ANTXR2: variants seen among roughly 807,000 people sequenced by gnomAD.
The protein encoded by ANTXR2 is ANTXR cell adhesion molecule 2, also known as anthrax toxin receptor 2.
In ANTXR2, 44 loss-of-function variants were observed where a neutral mutation model predicts 73.7. The observed-to-expected ratio is 0.60, with a 90% confidence interval of 0.47 to 0.77. The LOEUF is 0.77. Ranked by LOEUF, ANTXR2 falls within the 30% of genes least tolerant of loss-of-function variation. ANTXR2 has a pLI of 0.00. For missense variants in ANTXR2, 604 were observed against 592.5 expected, an observed-to-expected ratio of 1.02 and a Z score of -0.20; for synonymous variants, 217 against 205.9, an observed-to-expected ratio of 1.05 and a Z score of -0.46.
At chr4:80,068,170 C>A (rs1228596317) in intron 3 of ANTXR2, among the ~76,000 whole-genome samples, 1 of 152,112 alleles carries the variant, frequency 6.6e-6, no homozygotes, top group East Asian at 1.9e-4. Context: ...TAAATAAGTT[C>A]TCTCCCCCAG....
intron 16 of ANTXR2, among the ~76,000 whole-genome samples, chr4:79,943,618 G>T (rs1422577749): frequency 3.7e-5 from 4 of 108,586 alleles, no homozygotes; most frequent in African/African-American, 1.5e-4. Context: ...ATAGCATTGG[G>T]AGATATACCT....
chr4:79,997,956 G>A (rs1730810046), intron 12 of ANTXR2, among the ~76,000 whole-genome samples: 1 of 151,926 alleles, frequency 6.6e-6, no homozygotes, highest in South Asian at 2.1e-4. Context: ...AATTAATGGT[G>A]TAAGGAAGGT....
chr4:79,964,730 C>G (rs2109999333), intron 16 of ANTXR2: 1 of 152,410 alleles, frequency 6.6e-6, no homozygotes, highest in Admixed American at 6.5e-5. Context: ...TCTCAACTAC[C>G]TCCGCTGACA....
chr4:80,023,568 G>A (rs1732277957), intron 10 of ANTXR2, among the ~76,000 whole-genome samples: 2 of 152,204 alleles, frequency 1.3e-5, no homozygotes, highest in Admixed American at 1.3e-4. Context: ...TAGGCACAGG[G>A]GTTCTAGAGG....
chr4:80,010,540 G>C (rs1195706619), intron 11 of ANTXR2, among the ~76,000 whole-genome samples: 1 of 152,044 alleles, frequency 6.6e-6, no homozygotes, highest in Non-Finnish European at 1.5e-5. Context: ...ATGAACATTT[G>C]GTTTCCCCTT....
At chr4:79,938,019 G>A (rs113177138) in intron 16 of ANTXR2, among the ~76,000 whole-genome samples, 1 of 70,008 alleles carries the variant, frequency 1.4e-5, no homozygotes, top group African/African-American at 6.5e-5. Flanking sequence ...TTTTCAGACC[G>A]GCTTAAGAAA....
At chr4:79,994,098 A>C (rs1730612280) in intron 12 of ANTXR2, among the ~76,000 whole-genome samples, 1 of 152,016 alleles carries the variant, frequency 6.6e-6, no homozygotes, top group Admixed American at 6.6e-5. Context: ...TTAATTAATA[A>C]TACATTCACA....
At chr4:79,956,086 A>C (rs1398841643) in intron 16 of ANTXR2, among the ~76,000 whole-genome samples, 1 of 152,150 alleles carries the variant, frequency 6.6e-6, no homozygotes, top group Non-Finnish European at 1.5e-5. Flanking sequence ...ACAACTTCTA[A>C]GGTTTCTTGT....
intron 11 of ANTXR2, among the ~76,000 whole-genome samples, chr4:80,009,359 T>C (rs1031089975): frequency 1.3e-5 from 2 of 152,210 alleles, no homozygotes; most frequent in Non-Finnish European, 2.9e-5. Context: ...CCTTTGACTA[T>C]AAAATGCCCC....
intron 7 of ANTXR2, among the ~76,000 whole-genome samples, chr4:80,037,509 A>C (rs1435596007): frequency 6.6e-6 from 1 of 152,178 alleles, no homozygotes; most frequent in African/African-American, 2.4e-5. Flanking sequence ...TTTATATCTG[A>C]GAAACTGCAG....
intron 10 of ANTXR2, among the ~76,000 whole-genome samples, chr4:80,020,939 G>A (rs1477272741): frequency 1.3e-5 from 2 of 151,958 alleles, no homozygotes; most frequent in African/African-American, 4.8e-5. Flanking sequence ...ACGAGGTCAG[G>A]AGATTGAGAC....
chr4:80,071,638 T>G lies in ANTXR2; in HGVS notation c.169A>C (p.Asn57His), dbSNP rs754092088. 1 of 1,612,866 alleles carries G rather than the reference T, an allele frequency of 6.2e-7. No individual in the cohort carries two copies. Among genetic ancestry groups the G allele is most frequent in the East Asian group, 2.2e-5 (1 of 44,868 alleles). Residue 57 changes from asparagine to histidine, a missense_variant, in exon 2 of 17, where the codon AAT becomes CAT. Transcript: ENST00000403729. ...AAATTATAAATTTCAATCCAGTTAT[T>G]TGCCACACTCCCAGACCTGAAAGAT... ...FVLDKSGSVA[N>H]NWIEIYNFVQ... is the part of the protein sequence containing the mutation.
chr4:79,960,342 T>C (rs1205641927), intron 16 of ANTXR2, among the ~76,000 whole-genome samples: 1 of 152,182 alleles, frequency 6.6e-6, no homozygotes, highest in South Asian at 2.1e-4. Context: ...ATTTTCAGTA[T>C]ACTAACCTGC....
intron 3 of ANTXR2, among the ~76,000 whole-genome samples, chr4:80,067,097 G>A (rs889680689): frequency 1.3e-5 from 2 of 151,946 alleles, no homozygotes; most frequent in African/African-American, 2.4e-5. Context: ...TCTCAGCTAC[G>A]CGGGAGGCTG....
At chr4:79,924,697 C>T (rs1295945445) in intron 16 of ANTXR2, among the ~76,000 whole-genome samples, 1 of 152,040 alleles carries the variant, frequency 6.6e-6, no homozygotes, top group African/African-American at 2.4e-5. Context: ...CATGAAAGTA[C>T]AGAAAACTGC....
intron 12 of ANTXR2, among the ~76,000 whole-genome samples, chr4:80,001,711 T>C (rs1358863412): frequency 6.6e-6 from 1 of 151,280 alleles, no homozygotes; most frequent in Non-Finnish European, 1.5e-5. Flanking sequence ...ACTCAGGACT[T>C]GCTTTATGAA....
In ANTXR2 at chr4:79,988,405, G is replaced by A. The variant is rs77893129; in HGVS notation, c.1042-3542C>T. ...ATCAGCAATGATCAAAAAAGACAAA[G>A]AGCATTGCATAATGATAAAAGTTTC... On this transcript the variant is annotated intron_variant, in intron 12 of 16. Coordinates refer to ENST00000403729, the MANE Select transcript of ANTXR2 (RefSeq NM_058172.6). Among the ~76,000 whole-genome samples the A allele has an allele frequency of 2.5e-3, 382 of 151,438 alleles. 10 individuals carry two copies. In the East Asian group the frequency reaches 0.059, roughly 23 times the overall value.
At chr4:79,922,560 T>C (rs1377461538) in intron 16 of ANTXR2, among the ~76,000 whole-genome samples, 3 of 152,068 alleles carry the variant, frequency 2.0e-5, no homozygotes, top group Non-Finnish European at 4.4e-5. Flanking sequence ...TTCAAATAAG[T>C]AGAGACATAA....
At chr4:79,932,593 A>G (rs184454210) in intron 16 of ANTXR2, among the ~76,000 whole-genome samples, 19 of 151,922 alleles carry the variant, frequency 1.3e-4, no homozygotes, top group Admixed American at 2.6e-4. Flanking sequence ...GGAGTTCCAG[A>G]CCAGCCTCGT....
Sources: allele counts gnomAD v4.1 joint callset (sites outside exome capture counted in the v4.1 genomes callset), GRCh38; gene constraint gnomAD v4.1.1; transcripts MANE v1.5; gene names NCBI Gene and HGNC (gene_info 2026-07-23, HGNC 2026-07-21).